EIF4EBP2: variants seen among roughly 807,000 people sequenced by gnomAD.
EIF4EBP2 encodes eukaryotic translation initiation factor 4E binding protein 2.
Under a neutral mutation model 10.3 loss-of-function variants are expected in EIF4EBP2, and 5 were observed. That is an observed-to-expected ratio of 0.48 (90% CI 0.25 to 1.02). The LOEUF is 1.02. Among genes scored for constraint, EIF4EBP2 ranks in the 50% least tolerant of loss-of-function variants. EIF4EBP2 has a pLI of 0.15. For synonymous variants in EIF4EBP2, 67 were observed against 61.1 expected, an observed-to-expected ratio of 1.10 and a Z score of -0.45; for missense variants, 188 against 162.2, an observed-to-expected ratio of 1.16 and a Z score of -0.86.
Position 70,404,369 on chromosome 10 carries a change from G to A in EIF4EBP2, c.-33G>A, listed in dbSNP as rs781550418. 5 of 1,503,702 alleles carry A rather than the reference G, an allele frequency of 3.3e-6. No individual in the cohort carries two copies. Among genetic ancestry groups the A allele is most frequent in the South Asian group, 1.2e-5 (1 of 81,276 alleles). The allele number at this position is 1,503,702 out of a possible 1,614,324, so 93.1% of individuals were successfully genotyped here. The stretch of plus-strand genomic sequence containing the variant: ...CCGGCCCCGCCGCCGCCGCCTGCCC[G>A]CCGGACAAAGCCGAGAGCCCGCGCC... On this transcript the variant is annotated 5_prime_UTR_variant, in exon 1 of 3. Transcript: ENST00000373218.
intron 1 of EIF4EBP2, among the ~76,000 whole-genome samples, chr10:70,404,897 C>T (rs1844952571): frequency 6.6e-6 from 1 of 152,242 alleles, no homozygotes; most frequent in South Asian, 2.1e-4. Context: ...TCTGCATTGC[C>T]TGTCGTAGAT....
At chr10:70,421,636 C>T in intron 2 of EIF4EBP2, 80 bp from the exon 3 acceptor site, 1 of 1,281,300 alleles carries the variant, frequency 7.8e-7, no homozygotes, top group Non-Finnish European at 1.1e-6. Flanking sequence ...TTTTGTCTCT[C>T]ATTTAGAGGG....
At chr10:70,404,683 C>T (rs950426572) in intron 1 of EIF4EBP2, 137 bp downstream of exon 1, 9 of 1,195,654 alleles carry the variant, frequency 7.5e-6, no homozygotes, top group African/African-American at 3.3e-5. Flanking sequence ...TGGGCCCGCC[C>T]GAGCGTTCGG....
rs1021969285 is a variant in EIF4EBP2 at position 70,410,321 on chromosome 10, C to T, written c.145+5775C>T. Among the ~76,000 whole-genome samples, 7 of 152,296 alleles carry T rather than the reference C, an allele frequency of 4.6e-5. No individual in the cohort carries two copies. In the South Asian group the frequency reaches 1.0e-3, roughly 23 times the overall value. On this transcript the variant is annotated intron_variant, in intron 1 of 2. Coordinates refer to ENST00000373218, the MANE Select transcript of EIF4EBP2 (RefSeq NM_004096.5). ...CTGACCTCAAGTGATCCGCCCACCT[C>T]GGCCTCCCAGAGTGCTGGGATTGAA...
intron 1 of EIF4EBP2, among the ~76,000 whole-genome samples, chr10:70,407,383 C>A (rs1844978889): frequency 6.6e-6 from 1 of 152,020 alleles, no homozygotes; most frequent in African/African-American, 2.4e-5. Flanking sequence ...TTAATCCATT[C>A]AACCCTGAGT....
At chr10:70,406,920 C>CG (rs1404356692) in intron 1 of EIF4EBP2, among the ~76,000 whole-genome samples, 1 of 152,074 alleles carries the variant, frequency 6.6e-6, no homozygotes, top group African/African-American at 2.4e-5. Context: ...TTTTTGGAGA[C>CG]GGAGTTTCGC....
chr10:70,407,740 C>CCA (rs1554848006), intron 1 of EIF4EBP2, among the ~76,000 whole-genome samples: 1 of 134,264 alleles, frequency 7.4e-6, no homozygotes, highest in Non-Finnish European at 1.6e-5. Flanking sequence ...ACCCCCCCCC[C>CCA]ACCTCCCTCC....
rs1050893015 is a variant in EIF4EBP2 at position 70,425,561 on chromosome 10, A to G, written c.*3814A>G. Reference sequence around the variant, plus strand: ...ACTGGGATAGAAGGCAAACTCCCCAAAGCTACCTGCTGGTTTTGAGAGGGG... The same window carrying G: ...ACTGGGATAGAAGGCAAACTCCCCAGAGCTACCTGCTGGTTTTGAGAGGGG... On this transcript the variant is annotated 3_prime_UTR_variant, in exon 3 of 3. Coordinates refer to ENST00000373218, the MANE Select transcript of EIF4EBP2 (RefSeq NM_004096.5). 5 of 152,230 alleles carry G rather than the reference A, an allele frequency of 3.3e-5. No individual in the cohort carries two copies. Among genetic ancestry groups the G allele is most frequent in the Non-Finnish European group, 1.5e-5 (1 of 68,050 alleles). 9.4% of individuals were successfully genotyped at this position (152,230 alleles called of 1,614,324 possible).
At chr10:70,406,905 A>T (rs1408965479) in intron 1 of EIF4EBP2, among the ~76,000 whole-genome samples, 1 of 151,994 alleles carries the variant, frequency 6.6e-6, no homozygotes, top group Non-Finnish European at 1.5e-5. Context: ...TTATTTATTT[A>T]TTTATTTTTG....
In EIF4EBP2 at chr10:70,409,276, T is replaced by C. The variant is rs560114339; in HGVS notation, c.145+4730T>C. On this transcript the variant is annotated intron_variant, in intron 1 of 2. Coordinates refer to ENST00000373218, the MANE Select transcript of EIF4EBP2 (RefSeq NM_004096.5). ...AGAGGAAACTTTTTGTTGGGCAAAT[T>C]CCAGGCCAAAAAAAAAGCTCTTGGA... 2.0e-5 allele frequency among the ~76,000 whole-genome samples: 3 copies of C among 152,034 alleles called. No homozygotes were observed. In the East Asian group the frequency reaches 5.8e-4, roughly 29 times the overall value.
At chr10:70,404,892 A>T (rs1392921240) in intron 1 of EIF4EBP2, among the ~76,000 whole-genome samples, 1 of 152,162 alleles carries the variant, frequency 6.6e-6, no homozygotes, top group Non-Finnish European at 1.5e-5. Flanking sequence ...TACAGTCTGC[A>T]TTGCCTGTCG....
intron 1 of EIF4EBP2, among the ~76,000 whole-genome samples, chr10:70,405,917 T>A (rs1046161705): frequency 6.6e-6 from 1 of 152,170 alleles, no homozygotes; most frequent in Admixed American, 6.5e-5. Context: ...CTTTGCAGAA[T>A]AGTGGAGTTC....
At chr10:70,413,372 TC>T (rs961987689) in intron 1 of EIF4EBP2, among the ~76,000 whole-genome samples, 20 of 152,140 alleles carry the variant, frequency 1.3e-4, no homozygotes, top group African/African-American at 4.8e-4. Flanking sequence ...ACACCTATAA[TC>T]CCAACACTTT....
intron 1 of EIF4EBP2, among the ~76,000 whole-genome samples, chr10:70,407,806 G>A (rs1444750989): frequency 7.1e-4 from 101 of 142,848 alleles, no homozygotes; most frequent in Non-Finnish European, 1.2e-3. Flanking sequence ...AGGGGCGGCC[G>A]GGCAGAGGCA....
At chr10:70,415,873 GA>G (rs60699796) in intron 1 of EIF4EBP2, among the ~76,000 whole-genome samples, 1,550 of 114,700 alleles carry the variant, frequency 0.014, 25 homozygotes, top group East Asian at 0.092. Flanking sequence ...ACAAACAAAA[GA>G]AAAAAAAAAA....
chr10:70,415,158 G>GAA (rs377725171), intron 1 of EIF4EBP2, among the ~76,000 whole-genome samples: 6 of 107,472 alleles, frequency 5.6e-5, no homozygotes, highest in East Asian at 3.0e-4. Flanking sequence ...ACCCTCTCTC[G>GAA]AAAAAAAAAA....
In EIF4EBP2 at chr10:70,421,605, A is replaced by T. The variant is rs374505546; in HGVS notation, c.332-111A>T. On this transcript the variant is annotated intron_variant, in intron 2 of 2. Coordinates refer to ENST00000373218, the MANE Select transcript of EIF4EBP2 (RefSeq NM_004096.5). Reference sequence around the variant, plus strand: ...GAGTAATTGTTTTAAGGCAGCAGAGAGTGGGACAATTTGAATTACTTTTTG... The same window carrying T: ...GAGTAATTGTTTTAAGGCAGCAGAGTGTGGGACAATTTGAATTACTTTTTG... The T allele has an allele frequency of 8.5e-5, 81 of 949,940 alleles. No individual in the cohort carries two copies. In the East Asian group the frequency reaches 1.6e-3, roughly 19 times the overall value. The allele number at this position is 949,940 out of a possible 1,614,324, so 58.8% of individuals were successfully genotyped here.
chr10:70,416,376 C>T (rs574626279), intron 1 of EIF4EBP2, among the ~76,000 whole-genome samples: 2 of 152,138 alleles, frequency 1.3e-5, no homozygotes, highest in South Asian at 2.1e-4. Context: ...GTCAAGAGAT[C>T]GAGACCATCC....
At position 70,427,009 on chromosome 10, in the gene EIF4EBP2, T is replaced by C. The variant is rs1357141400; in HGVS notation, c.*5262T>C. The C allele has an allele frequency of 1.3e-5, 2 of 152,340 alleles. No individual in the cohort carries two copies. The highest frequency in any genetic ancestry group is 1.9e-4 in the East Asian group (1 of 5,188). The allele number at this position is 152,340 out of a possible 1,614,324, so 9.4% of individuals were successfully genotyped here. On this transcript the variant is annotated 3_prime_UTR_variant, in exon 3 of 3. Coordinates refer to ENST00000373218, the MANE Select transcript of EIF4EBP2 (RefSeq NM_004096.5). ...CATGTTGGCAGCAATATCCCAGAGA[T>C]TGAATCTGTTTGCATTTTCCTCATC... is the stretch of plus-strand genomic sequence containing the variant.
Sources: gnomAD v4.1 joint callset for allele counts (sites outside exome capture counted in the v4.1 genomes callset) on GRCh38, gnomAD v4.1.1 for gene constraint, MANE v1.5 for transcripts, NCBI Gene and HGNC (gene_info 2026-07-23, HGNC 2026-07-21) for gene names.